Variants in COMMD1 observed in about 807,000 individuals in gnomAD.
COMMD1 encodes the protein copper metabolism domain containing 1, also known as COMM domain-containing protein 1.
A neutral mutation model predicts 17.2 loss-of-function variants in COMMD1; 10 were observed. The observed-to-expected ratio is 0.58, with a 90% CI of 0.36 to 0.99. The LOEUF (loss-of-function observed/expected upper bound fraction) is 0.99. Among genes scored for constraint, COMMD1 ranks in the 50% least tolerant of loss-of-function variants. COMMD1 has a pLI of 0.01. For missense variants in COMMD1, 270 were observed against 231.8 expected (o/e 1.17, Z -1.07); for synonymous variants, 97 against 91.6 (o/e 1.06, Z -0.34).
chr2:61,979,645 A>G lies in COMMD1; in HGVS notation c.181-21056A>G, dbSNP rs139351221. ...TGAGGAACTCCAAACTGTTTTCCAT[A>G]GTGGTTGTACTAATTTACCTTCCCA... On this transcript the variant is annotated intron_variant, in intron 1 of 2. Coordinates refer to ENST00000311832, the MANE Select transcript of COMMD1 (RefSeq NM_152516.4). Among the ~76,000 whole-genome samples, 28 of 152,196 alleles carry G rather than the reference A, an allele frequency of 1.8e-4. No homozygotes were observed. The Middle Eastern group carries it at 0.01, about 55-fold the overall frequency.
intron 2 of COMMD1, among the ~76,000 whole-genome samples, chr2:62,114,555 T>G (rs896887598): frequency 6.6e-6 from 1 of 152,222 alleles, no homozygotes; most frequent in African/African-American, 2.4e-5. Context: ...TTTCTTAGGA[T>G]TGCCAGTGAT....
At chr2:62,132,678 C>A (rs1673076492) in intron 2 of COMMD1, among the ~76,000 whole-genome samples, 1 of 151,796 alleles carries the variant, frequency 6.6e-6, no homozygotes, top group African/African-American at 2.4e-5. Context: ...CACCCTGTCT[C>A]TATTGAAAAA....
intron 1 of COMMD1, among the ~76,000 whole-genome samples, chr2:61,935,270 A>C (rs998053990): frequency 6.6e-6 from 1 of 152,250 alleles, no homozygotes; most frequent in Non-Finnish European, 1.5e-5. Flanking sequence ...AAAATAACTC[A>C]GAGACAAATA....
At chr2:61,949,061 C>T (rs1164983212) in intron 1 of COMMD1, among the ~76,000 whole-genome samples, 6 of 152,146 alleles carry the variant, frequency 3.9e-5, no homozygotes, top group Non-Finnish European at 1.5e-5. Context: ...TGAGTCCAAA[C>T]CCAGAAGTTC....
At chr2:62,129,876 C>T (rs1021711314) in intron 2 of COMMD1, among the ~76,000 whole-genome samples, 168 of 152,228 alleles carry the variant, frequency 1.1e-3, no homozygotes, top group Admixed American at 4.5e-3. Context: ...AGTTTGTGCT[C>T]AATAAAGAGT....
chr2:61,985,264 A>C (rs1196251193), intron 1 of COMMD1, among the ~76,000 whole-genome samples: 1 of 151,946 alleles, frequency 6.6e-6, no homozygotes, highest in Non-Finnish European at 1.5e-5. Flanking sequence ...GTTAGCCAGG[A>C]TGGTCTCGAT....
intron 2 of COMMD1, among the ~76,000 whole-genome samples, chr2:62,042,985 C>G (rs1189488827): frequency 6.6e-6 from 1 of 152,202 alleles, no homozygotes; most frequent in Non-Finnish European, 1.5e-5. Flanking sequence ...ACGTTTTAAA[C>G]AGTTGAGAAG....
chr2:61,938,706 C>T (rs1441178301), intron 1 of COMMD1, among the ~76,000 whole-genome samples: 5 of 152,124 alleles, frequency 3.3e-5, no homozygotes, highest in South Asian at 4.1e-4. Flanking sequence ...TGGACTCCTA[C>T]GGATTTGCTG....
At chr2:62,008,495 G>C (rs1226808853) in intron 2 of COMMD1, among the ~76,000 whole-genome samples, 1 of 152,130 alleles carries the variant, frequency 6.6e-6, no homozygotes. Flanking sequence ...TCAACGTTCA[G>C]TCACCATTTT....
rs181515161 is a variant in COMMD1 at position 61,956,237 on chromosome 2, C to T, written c.181-44464C>T. 1.9e-3 allele frequency among the ~76,000 whole-genome samples: 296 copies of T among 152,264 alleles called. 1 individual carries two copies. Among genetic ancestry groups the T allele is most frequent in the African/African-American group, 6.6e-3 (274 of 41,556 alleles). On this transcript the variant is annotated intron_variant, in intron 1 of 2. Transcript: ENST00000311832. Reference sequence around the variant, plus strand: ...ATTTGTCCAAGAGACTATCCTTTCTCCCATTGAATTGCCTTATCAGCTTTG... The same window carrying T: ...ATTTGTCCAAGAGACTATCCTTTCTTCCATTGAATTGCCTTATCAGCTTTG...
intron 2 of COMMD1, among the ~76,000 whole-genome samples, chr2:62,037,350 A>G (rs997654807): frequency 1.3e-5 from 2 of 152,236 alleles, no homozygotes; most frequent in Non-Finnish European, 2.9e-5. Flanking sequence ...TAAATGGGAT[A>G]CACCCTGCCC....
chr2:61,983,224 C>G (rs973794370), intron 1 of COMMD1, among the ~76,000 whole-genome samples: 1 of 147,010 alleles, frequency 6.8e-6, no homozygotes, highest in South Asian at 2.2e-4. Flanking sequence ...GAGTCTCCCT[C>G]TGTCGCCCAG....
intron 2 of COMMD1, among the ~76,000 whole-genome samples, chr2:62,079,093 C>T (rs1177440172): frequency 6.6e-6 from 1 of 152,114 alleles, no homozygotes; most frequent in East Asian, 1.9e-4. Flanking sequence ...TTAAAAGTGC[C>T]CTTGTTACAG....
chr2:62,008,340 TTTCA>T (rs1462025111), intron 2 of COMMD1, among the ~76,000 whole-genome samples: 2 of 151,582 alleles, frequency 1.3e-5, no homozygotes, highest in Non-Finnish European at 2.9e-5. Flanking sequence ...ACCCACAATC[TTTCA>T]TACACACACA....
At chr2:62,042,256 G>A (rs1238370655) in intron 2 of COMMD1, among the ~76,000 whole-genome samples, 2 of 152,146 alleles carry the variant, frequency 1.3e-5, no homozygotes, top group African/African-American at 4.8e-5. Flanking sequence ...AGTGCTGATT[G>A]GTGCATTTAC....
chr2:61,985,060 A>AT (rs1447345726), intron 1 of COMMD1, among the ~76,000 whole-genome samples: 1 of 89,392 alleles, frequency 1.1e-5, no homozygotes, highest in Admixed American at 1.1e-4. Flanking sequence ...TTTTTTTTTA[A>AT]TTTTTTTTGA....
chr2:62,033,376 C>G (rs1669960922), intron 2 of COMMD1, among the ~76,000 whole-genome samples: 1 of 152,128 alleles, frequency 6.6e-6, no homozygotes, highest in African/African-American at 2.4e-5. Flanking sequence ...TGAACAAAGG[C>G]AAGTCTGAAA....
chr2:61,994,099 G>T (rs1411415171), intron 1 of COMMD1, among the ~76,000 whole-genome samples: 2 of 152,106 alleles, frequency 1.3e-5, no homozygotes. Flanking sequence ...CGATTCTCCT[G>T]CATCGGCCTC....
At chr2:62,025,614 A>G (rs1302044818) in intron 2 of COMMD1, among the ~76,000 whole-genome samples, 1 of 152,212 alleles carries the variant, frequency 6.6e-6, no homozygotes, top group African/African-American at 2.4e-5. Flanking sequence ...ATAAAAAAAT[A>G]CTAATGTCAT....
Sources: gnomAD v4.1 joint callset for allele counts (sites outside exome capture counted in the v4.1 genomes callset) on GRCh38, gnomAD v4.1.1 for gene constraint, MANE v1.5 for transcripts, NCBI Gene and HGNC (gene_info 2026-07-23, HGNC 2026-07-21) for gene names.